Variants in BRIP1 observed in about 807,000 individuals in gnomAD.
The protein encoded by BRIP1 is Fanconi anemia group J protein.
BRIP1 carries 88 observed loss-of-function variants against 119.7 expected under a neutral mutation model. That is an observed-to-expected ratio of 0.74 (90% CI 0.62 to 0.88). The LOEUF (loss-of-function observed/expected upper bound fraction) is 0.88, where lower values mean the gene tolerates loss of function less well. BRIP1 is among the 40% of genes least tolerant of loss of function. The pLI, the probability that BRIP1 is intolerant of heterozygous loss-of-function variation, is 0.00. For synonymous variants in BRIP1, 443 were observed against 496.5 expected (o/e 0.89, Z 1.43); for missense variants, 1,259 against 1,455.4 (o/e 0.87, Z 2.20).
chr17:61,818,129 T>C (rs1309152467), intron 6 of BRIP1, among the ~76,000 whole-genome samples: 1 of 142,776 alleles, frequency 7.0e-6, no homozygotes, highest in African/African-American at 2.6e-5. Flanking sequence ...AAGGCAGGCA[T>C]ATCACTTGTG....
In BRIP1 at chr17:61,861,235, A is replaced by G. The variant is rs529137825; in HGVS notation, c.93+212T>C. 6.6e-6 allele frequency among the ~76,000 whole-genome samples: 1 copy of G among 152,270 alleles called. No homozygotes were observed. Among genetic ancestry groups the G allele is most frequent in the East Asian group, 1.9e-4 (1 of 5,182 alleles). On this transcript the variant is annotated intron_variant, in intron 2 of 19. Coordinates refer to ENST00000259008, the MANE Select transcript of BRIP1 (RefSeq NM_032043.3). This position sits in a 1 kb window ranked among gnomAD's most constrained non-coding sequence, Gnocchi z 4.5. Reference sequence around the variant, plus strand: ...TATAGAAATTCCAAATGAGCTGAGAACATTTTTCAGAATGTTCTTCTTTGC... The same window carrying G: ...TATAGAAATTCCAAATGAGCTGAGAGCATTTTTCAGAATGTTCTTCTTTGC...
rs2078004212 is a variant in BRIP1, at chr17:61,802,010, G to GT, written c.919-537dup. 6.6e-6 allele frequency among the ~76,000 whole-genome samples: 1 copy of GT among 152,110 alleles called. No homozygotes were observed. Among genetic ancestry groups the GT allele is most frequent in the Non-Finnish European group, 1.5e-5 (1 of 68,004 alleles). ...AATGTCCTAAGGGGAAAAAAAGAAA[G>GT]TAAGAGTATTCACTACAAAATATTC... is the stretch of plus-strand genomic sequence containing the variant. On this transcript the variant is annotated intron_variant, in intron 7 of 19. Coordinates refer to ENST00000259008, the MANE Select transcript of BRIP1 (RefSeq NM_032043.3). The surrounding 1 kb of genome is among the most constrained non-coding windows in gnomAD (Gnocchi z 6.0).
intron 17 of BRIP1, among the ~76,000 whole-genome samples, chr17:61,694,126 G>A (rs755997021): frequency 1.3e-5 from 2 of 152,018 alleles, no homozygotes; most frequent in South Asian, 2.1e-4. Flanking sequence ...ATTTTAAAGT[G>A]CACAATGCAA....
intron 6 of BRIP1, among the ~76,000 whole-genome samples, chr17:61,837,677 T>C (rs557179043): frequency 2.0e-5 from 3 of 152,096 alleles, no homozygotes; most frequent in Non-Finnish European, 4.4e-5. Context: ...AACAAAGTAA[T>C]ATCAAAACGT....
rs1047160943 is a variant in BRIP1 at position 61,824,900 on chromosome 17, C to T, written c.628-16143G>A. 2.6e-5 allele frequency among the ~76,000 whole-genome samples: 4 copies of T among 152,130 alleles called. No homozygotes were observed. Among genetic ancestry groups the T allele is most frequent in the East Asian group, 1.9e-4 (1 of 5,200 alleles). ...TAAAGAACTTCCACCAACTCAACAA[C>T]GACAAAAGCAATCCAATTCCAAAAT... is the stretch of plus-strand genomic sequence containing the variant. On this transcript the variant is annotated intron_variant, in intron 6 of 19. Coordinates refer to ENST00000259008, the MANE Select transcript of BRIP1 (RefSeq NM_032043.3). The surrounding 1 kb of genome is among the most constrained non-coding windows in gnomAD (Gnocchi z 4.3).
chr17:61,821,327 C>T (rs542553201), intron 6 of BRIP1, among the ~76,000 whole-genome samples: 1 of 150,620 alleles, frequency 6.6e-6, no homozygotes, highest in Non-Finnish European at 1.5e-5. Context: ...CTTTAACCTG[C>T]CATTCAGTAG....
rs1465543959 is a variant in BRIP1 at position 61,729,205 on chromosome 17, G to A, written c.2380-13142C>T. On this transcript the variant is annotated intron_variant, in intron 16 of 19. Coordinates refer to ENST00000259008, the MANE Select transcript of BRIP1 (RefSeq NM_032043.3). This position sits in a 1 kb window ranked among gnomAD's most constrained non-coding sequence, Gnocchi z 5.6. ...GAGGCAGGAGGATCGCTTGAGCCTG[G>A]GAGGTGGAGGTTGTGGTGAGCCAAG... is the stretch of plus-strand genomic sequence containing the variant. Among the ~76,000 whole-genome samples the A allele has an allele frequency of 6.6e-6, 1 of 152,088 alleles. No individual in the cohort carries two copies. The highest frequency in any genetic ancestry group is 1.9e-4 in the East Asian group (1 of 5,194).
chr17:61,685,752 TAATC>T (rs1355436413), intron 19 of BRIP1, 80 bp downstream of exon 19: 1 of 1,237,742 alleles, frequency 8.1e-7, no homozygotes, highest in African/African-American at 1.5e-5. Context: ...TTTAAGGAAT[TAATC>T]TATACCCAAA....
Position 61,828,200 on chromosome 17 carries a change from A to G in BRIP1, c.627+18901T>C, listed in dbSNP as rs569553296. ...CGGACAAACAAAATGTGGTATATCC[A>G]TACAATGGAATATTATTCAGCCATA... On this transcript the variant is annotated intron_variant, in intron 6 of 19. Transcript: ENST00000259008. The surrounding 1 kb of genome is among the most constrained non-coding windows in gnomAD (Gnocchi z 4.1). Among the ~76,000 whole-genome samples, 2 of 152,368 alleles carry G rather than the reference A, an allele frequency of 1.3e-5. No individual in the cohort carries two copies. The highest frequency in any genetic ancestry group is 2.1e-4 in the South Asian group (1 of 4,828).
chr17:61,745,768 G>A lies in BRIP1; in HGVS notation c.2098-1177C>T, dbSNP rs1279873881. Among the ~76,000 whole-genome samples, 8 of 151,954 alleles carry A rather than the reference G, an allele frequency of 5.3e-5. No homozygotes were observed. Among genetic ancestry groups the A allele is most frequent in the Non-Finnish European group, 8.8e-5 (6 of 68,002 alleles). On this transcript the variant is annotated intron_variant, in intron 14 of 19. Coordinates refer to ENST00000259008, the MANE Select transcript of BRIP1 (RefSeq NM_032043.3). This position sits in a 1 kb window ranked among gnomAD's most constrained non-coding sequence, Gnocchi z 4.4. ...TGAATAAGAAAAGCACTCACAATTC[G>A]AAACATGTGGCATACAGCAATGGCA...
At chr17:61,737,974 A>C (rs1328667285) in intron 16 of BRIP1, among the ~76,000 whole-genome samples, 1 of 152,186 alleles carries the variant, frequency 6.6e-6, no homozygotes, top group Non-Finnish European at 1.5e-5. Context: ...TGATGTAAAT[A>C]GGTATTTGAC....
chr17:61,742,950 A>T lies in BRIP1; in HGVS notation c.2379+63T>A, dbSNP rs2144673460. ...GCGCAATAAAATGAGGGATCCCTGC[A>T]ATTAACTTTATACAAAACCAATGAC... On this transcript the variant is annotated intron_variant, in intron 16 of 19. Transcript: ENST00000259008. The surrounding 1 kb of genome is among the most constrained non-coding windows in gnomAD (Gnocchi z 4.7). 1 of 1,590,602 alleles carries T rather than the reference A, an allele frequency of 6.3e-7. No individual in the cohort carries two copies. Among genetic ancestry groups the T allele is most frequent in the Non-Finnish European group, 8.6e-7 (1 of 1,159,802 alleles).
chr17:61,692,860 C>T (rs73328519), intron 18 of BRIP1, among the ~76,000 whole-genome samples: 83 of 152,248 alleles, frequency 5.5e-4, no homozygotes, highest in African/African-American at 1.8e-3. Flanking sequence ...CCAAATCCTA[C>T]GCTTGGTATT....
At chr17:61,801,515 A>G in intron 7 of BRIP1, 41 bp from the exon 8 acceptor site, 2 of 1,457,050 alleles carry the variant, frequency 1.4e-6, no homozygotes, top group Non-Finnish European at 1.9e-6. Flanking sequence ...AACCAATATT[A>G]GCATAGAAGG....
In BRIP1 at chr17:61,682,797, G is replaced by C. The variant is rs2061287274; in HGVS notation, c.*499C>G. On this transcript the variant is annotated 3_prime_UTR_variant, in exon 20 of 20. Coordinates refer to ENST00000259008, the MANE Select transcript of BRIP1 (RefSeq NM_032043.3). This position sits in a 1 kb window ranked among gnomAD's most constrained non-coding sequence, Gnocchi z 4.9. ...TTTTAAATTGCATTTAGCTAAGGAAGACTTATTTGAGGACAGTACTTTGTA... is the reference window on the plus strand; with the variant it reads ...TTTTAAATTGCATTTAGCTAAGGAACACTTATTTGAGGACAGTACTTTGTA... The C allele has an allele frequency of 2.1e-5, 4 of 190,846 alleles. No individual in the cohort carries two copies. Among genetic ancestry groups the C allele is most frequent in the Middle Eastern group, 1.9e-3 (1 of 528 alleles). 11.8% of individuals were successfully genotyped at this position (190,846 alleles called of 1,614,324 possible). A position where few individuals can be genotyped will look rare whatever the true frequency, so the allele number is the denominator to read the frequency against.
In BRIP1 at chr17:61,736,704, T is replaced by G. The variant is rs2076923195; in HGVS notation, c.2379+6309A>C. On this transcript the variant is annotated intron_variant, in intron 16 of 19. Coordinates refer to ENST00000259008, the MANE Select transcript of BRIP1 (RefSeq NM_032043.3). This position sits in a 1 kb window ranked among gnomAD's most constrained non-coding sequence, Gnocchi z 4.4. Reference sequence around the variant, plus strand: ...CCCATTCAATCATTAACTAAAACATTTATTAAACACTGTGTTTTTAGGTAA... The same window carrying G: ...CCCATTCAATCATTAACTAAAACATGTATTAAACACTGTGTTTTTAGGTAA... Among the ~76,000 whole-genome samples, 1 of 152,160 alleles carries G rather than the reference T, an allele frequency of 6.6e-6. No individual in the cohort carries two copies. The highest frequency in any genetic ancestry group is 1.5e-5 in the Non-Finnish European group (1 of 68,014).
At chr17:61,715,201 CAAT>C (rs576020293) in intron 17 of BRIP1, among the ~76,000 whole-genome samples, 84 of 149,880 alleles carry the variant, frequency 5.6e-4, no homozygotes, top group African/African-American at 1.9e-3. Flanking sequence ...CTGTCTAAAA[CAAT>C]AATAATAATA....
Position 61,776,497 on chromosome 17 carries a change from A to G in BRIP1, c.2001T>C (p.Thr667=), listed in dbSNP as rs2145031157. Residue 667 remains threonine (T), a synonymous_variant, in exon 14 of 20, where the codon ACT becomes ACC. Transcript: ENST00000259008. This position sits in a 1 kb window ranked among gnomAD's most constrained non-coding sequence, Gnocchi z 5.0. The stretch of plus-strand genomic sequence containing the variant: ...CTTCATCTTGGAACTCAAATGTTTC[A>G]GTATTCTGGAAGGTAGCACAGAGAT... The part of the protein sequence containing the change: ...GRNLCATFQN[T]ETFEFQDEVG... 6.2e-7 allele frequency: 1 copy of G among 1,614,198 alleles called. No homozygotes were observed. Among genetic ancestry groups the G allele is most frequent in the South Asian group, 1.1e-5 (1 of 91,086 alleles).
rs2145090479 is a variant in BRIP1, at chr17:61,780,851, T to C, written c.1783A>G (p.Asn595Asp). ...AVHVLNFWCL[N>D]PAVAFSDING... ...CATGATGAGCTTACCACAGCTGGATTTAAGCACCAAAAGTTTAGCACATGA... is the reference window on the plus strand; with the variant it reads ...CATGATGAGCTTACCACAGCTGGATCTAAGCACCAAAAGTTTAGCACATGA... The change falls in exon 12 of 20, where the codon AAT (asparagine) becomes GAT (aspartate). Residue 595 changes from asparagine (N) to aspartate (D), a missense_variant. Coordinates refer to ENST00000259008, the MANE Select transcript of BRIP1 (RefSeq NM_032043.3). This position sits in a 1 kb window ranked among gnomAD's most constrained non-coding sequence, Gnocchi z 5.4. 6.2e-7 allele frequency: 1 copy of C among 1,614,172 alleles called. No individual in the cohort carries two copies. Among genetic ancestry groups the C allele is most frequent in the South Asian group, 1.1e-5 (1 of 91,078 alleles).
Sources: gnomAD v4.1 joint callset for allele counts (sites outside exome capture counted in the v4.1 genomes callset) on GRCh38, gnomAD v4.1.1 for gene constraint, Gnocchi (gnomAD v3.1) non-coding constraint, MANE v1.5 for transcripts, NCBI Gene and HGNC (gene_info 2026-07-23, HGNC 2026-07-21) for gene names.